ATP2B3: variants seen among roughly 807,000 people sequenced by gnomAD.
The protein encoded by ATP2B3 is plasma membrane calcium-transporting ATPase 3.
In ATP2B3, 12 loss-of-function variants were observed where a neutral mutation model predicts 70.8. The ratio of observed to expected loss-of-function variants is 0.17; its 90% CI spans 0.11 to 0.27. The LOEUF is 0.27. ATP2B3 is among the 10% of genes least tolerant of loss of function. The pLI, the probability that ATP2B3 is intolerant of heterozygous loss-of-function variation, is 1.00. For missense variants in ATP2B3, 858 were observed against 1,118.5 expected, an observed-to-expected ratio of 0.77 and a Z score of 3.32; for synonymous variants, 460 against 497.8, an observed-to-expected ratio of 0.92 and a Z score of 1.01.
In ATP2B3 at chrX:153,551,008, G is replaced by A. The variant is rs528818559; in HGVS notation, c.1823+722G>A. ...CAGCACGTCTACCAGCACGTGAGTC[G>A]TTTCCACCTTTTGGCTGTCACGAGT... On this transcript the variant is annotated intron_variant, in intron 12 of 21. Coordinates refer to ENST00000263519, the MANE Select transcript of ATP2B3 (RefSeq NM_001001344.3). Among the ~76,000 whole-genome samples the A allele has an allele frequency of 4.9e-4, 52 of 106,476 alleles. 2 individuals carry two copies. The East Asian group carries it at 0.012, about 26-fold the overall frequency. 92.5% of individuals were successfully genotyped at this position (106,476 alleles called of 115,157 possible). A position where few individuals can be genotyped will look rare whatever the true frequency, so the allele number is the denominator to read the frequency against.
intron 13 of ATP2B3, among the ~76,000 whole-genome samples, chrX:153,555,288 G>A (rs1004279525): frequency 1.8e-5 from 2 of 110,717 alleles, no homozygotes; most frequent in Admixed American, 9.5e-5. Flanking sequence ...GGTGTCTCCC[G>A]GCTGCCCTAC....
At chrX:153,521,802 G>A (rs55814362) in intron 2 of ATP2B3, among the ~76,000 whole-genome samples, 14,455 of 111,702 alleles carry the variant, frequency 0.13, 800 homozygotes, top group East Asian at 0.24. Context: ...CAAGGGCTCA[G>A]GAGCCACCCA....
chrX:153,579,991 A>G lies in ATP2B3; in HGVS notation c.3356A>G (p.Lys1119Arg). 1 of 1,204,496 alleles carries G rather than the reference A, an allele frequency of 8.3e-7. No individual in the cohort carries two copies. The highest frequency in any genetic ancestry group is 1.1e-6 in the Non-Finnish European group (1 of 889,740). ...CTCCCACTCCAGATCCGGGTGGTGA[A>G]AGCGTTCCGTAGCTCGCTCTATGAA... ...NRIQTQIRVV[K>R]AFRSSLYEGL... is the part of the protein sequence containing the mutation. The change falls in exon 22 of 22, where the codon AAA (lysine) becomes AGA (arginine). Residue 1119 changes from lysine to arginine, a missense_variant. This residue lies in a region of ATP2B3 where 265 missense variants were observed against 305.3 expected (regional missense o/e 0.87). Transcript: ENST00000263519.
chrX:153,522,448 C>G (rs1377102761), intron 2 of ATP2B3, among the ~76,000 whole-genome samples: 2 of 112,235 alleles, frequency 1.8e-5, no homozygotes, highest in African/African-American at 6.5e-5. Context: ...ACCTGAGTCC[C>G]CGCCCATCCT....
intron 2 of ATP2B3, among the ~76,000 whole-genome samples, chrX:153,530,833 G>A (rs2090105923): frequency 8.9e-6 from 1 of 112,259 alleles, no homozygotes; most frequent in Non-Finnish European, 1.9e-5. Context: ...CAGAGGGGGA[G>A]CCTGTCCCTT....
At chrX:153,558,000 T>C in intron 16 of ATP2B3, 112 bp from the exon 17 acceptor site, 1 of 733,549 alleles carries the variant, frequency 1.4e-6, no homozygotes, top group Non-Finnish European at 1.9e-6. Context: ...GGGTGGGATG[T>C]TATTCAGAAG....
At chrX:153,537,076 C>G (rs2090203183) in intron 3 of ATP2B3, among the ~76,000 whole-genome samples, 1 of 112,897 alleles carries the variant, frequency 8.9e-6, no homozygotes, top group Non-Finnish European at 1.9e-5. Context: ...GGTCTCACTG[C>G]TGAGGGAGGC....
At chrX:153,547,738 T>G (rs181355867) in intron 8 of ATP2B3, 97 bp from the exon 9 acceptor site, 125 of 1,015,982 alleles carry the variant, frequency 1.2e-4, no homozygotes, top group Admixed American at 2.6e-4. Flanking sequence ...CCGTCTCCTC[T>G]CTATGGTGTG....
chrX:153,559,394 C>A, intron 17 of ATP2B3: 1 of 259,824 alleles, frequency 3.8e-6, no homozygotes, highest in Non-Finnish European at 6.8e-6. Flanking sequence ...CCTCCTGCCC[C>A]TGAGGTGCAG....
rs1208070421 is a variant in ATP2B3 at position 153,581,042 on chromosome X, T to G, written c.*744T>G. The stretch of plus-strand genomic sequence containing the variant: ...TTTGCATTCCTCTTATCAGGCATTT[T>G]CATTTGGAAATTTCATTATTGAATG... On this transcript the variant is annotated 3_prime_UTR_variant, in exon 22 of 22. Coordinates refer to ENST00000263519, the MANE Select transcript of ATP2B3 (RefSeq NM_001001344.3). 1 of 111,682 alleles carries G rather than the reference T, an allele frequency of 9.0e-6. No homozygotes were observed. The highest frequency in any genetic ancestry group is 1.9e-5 in the Non-Finnish European group (1 of 53,021). 9.2% of individuals were successfully genotyped at this position (111,682 alleles called of 1,213,427 possible).
chrX:153,563,136 C>CTTTTTTTTTTTT (rs36131654), intron 20 of ATP2B3, among the ~76,000 whole-genome samples: 3 of 48,795 alleles, frequency 6.1e-5, no homozygotes, highest in Admixed American at 3.8e-4. Context: ...CTGGCTTTTC[C>CTTTTTTTTTTTT]TTTTTTTTTT....
rs782186957 is a variant in ATP2B3 at position 153,559,665 on chromosome X, G to T, written c.2626-64G>T. On this transcript the variant is annotated intron_variant, in intron 17 of 21. Coordinates refer to ENST00000263519, the MANE Select transcript of ATP2B3 (RefSeq NM_001001344.3). ...CATGAGGAGCCCCCAGGAGCTACTG[G>T]GTTTCCACCCCCAACCTTCCCGGGC... 5.7e-6 allele frequency: 6 copies of T among 1,060,005 alleles called. No homozygotes were observed. The Admixed American group carries it at 1.1e-4, about 20-fold the overall frequency. The allele number at this position is 1,060,005 out of a possible 1,213,427, so 87.4% of individuals were successfully genotyped here.
chrX:153,553,700 C>T (rs936792781), intron 13 of ATP2B3, among the ~76,000 whole-genome samples: 9 of 112,533 alleles, frequency 8.0e-5, no homozygotes, highest in African/African-American at 1.9e-4. Context: ...AAGGTCCTGG[C>T]GGGAAAGGGA....
intron 12 of ATP2B3, among the ~76,000 whole-genome samples, chrX:153,551,028 A>C (rs2090450030): frequency 8.9e-6 from 1 of 112,691 alleles, no homozygotes; most frequent in Non-Finnish European, 1.9e-5. Context: ...TTTGGCTGTC[A>C]CGAGTCACGC....
At chrX:153,534,234 T>C (rs1051168667) in intron 2 of ATP2B3, among the ~76,000 whole-genome samples, 1 of 111,250 alleles carries the variant, frequency 9.0e-6, no homozygotes, top group African/African-American at 3.3e-5. Context: ...GGAGTCCAGG[T>C]GAGAGCCGAA....
intron 21 of ATP2B3, among the ~76,000 whole-genome samples, chrX:153,572,995 G>A (rs1404746968): frequency 1.8e-5 from 2 of 112,271 alleles, no homozygotes; most frequent in African/African-American, 6.5e-5. Context: ...CCCCAGCCAC[G>A]CATCCAAAGT....
intron 2 of ATP2B3, among the ~76,000 whole-genome samples, chrX:153,522,286 A>G (rs188125984): frequency 4.4e-5 from 5 of 112,660 alleles, no homozygotes; most frequent in African/African-American, 6.4e-5. Context: ...GACGACGGAA[A>G]GCAAAAAGCA....
intron 13 of ATP2B3, 147 bp from the exon 14 acceptor site, chrX:153,555,902 G>A (rs1466175292): frequency 4.8e-6 from 3 of 622,623 alleles, no homozygotes; most frequent in East Asian, 3.3e-5. Flanking sequence ...GCTAACACAA[G>A]TGTTCTGAGC....
intron 8 of ATP2B3, among the ~76,000 whole-genome samples, chrX:153,547,537 C>G (rs1164068896): frequency 2.7e-5 from 3 of 111,525 alleles, no homozygotes; most frequent in Admixed American, 1.9e-4. Context: ...TTGGGGCATT[C>G]CAGGACCAGT....
Sources: allele counts gnomAD v4.1 joint callset (sites outside exome capture counted in the v4.1 genomes callset), GRCh38; gene constraint gnomAD v4.1.1; regional missense constraint gnomAD v4.1.1; transcripts MANE v1.5; gene names NCBI Gene and HGNC (gene_info 2026-07-23, HGNC 2026-07-21).